Variants in PIAS1 observed in about 807,000 individuals in gnomAD.
PIAS1 encodes E3 SUMO-protein ligase PIAS1.
A neutral mutation model predicts 71.3 loss-of-function variants in PIAS1; 6 were observed. The observed-to-expected ratio is 0.08, with a 90% CI of 0.05 to 0.17. The LOEUF (loss-of-function observed/expected upper bound fraction) is 0.17, where lower values mean the gene tolerates loss of function less well. Ranked by LOEUF, PIAS1 falls within the 10% of genes least tolerant of loss-of-function variation. PIAS1 has a pLI of 1.00. For missense variants in PIAS1, 555 were observed against 793.6 expected (o/e 0.70, Z 3.61); for synonymous variants, 303 against 292.9 (o/e 1.03, Z -0.35).
chr15:68,086,849 C>T lies in PIAS1; in HGVS notation c.469+99C>T. On this transcript the variant is annotated intron_variant, in intron 2 of 13. Coordinates refer to ENST00000249636, the MANE Select transcript of PIAS1 (RefSeq NM_016166.3). The surrounding 1 kb of genome is among the most constrained non-coding windows in gnomAD (Gnocchi z 7.2). ...AGTTTATTATTCATAATGAAATTTT[C>T]ATTTGATAGTAACAGCTGGATAATA... is the stretch of plus-strand genomic sequence containing the variant. 1 of 643,918 alleles carries T rather than the reference C, an allele frequency of 1.6e-6. No individual in the cohort carries two copies. Among genetic ancestry groups the T allele is most frequent in the South Asian group, 2.1e-5 (1 of 48,202 alleles). The allele number at this position is 643,918 out of a possible 1,614,324, so 39.9% of individuals were successfully genotyped here. A position where few individuals can be genotyped will look rare whatever the true frequency, so the allele number is the denominator to read the frequency against.
At chr15:68,092,017 T>C (rs1433949913) in intron 2 of PIAS1, among the ~76,000 whole-genome samples, 1 of 152,210 alleles carries the variant, frequency 6.6e-6, no homozygotes, top group Non-Finnish European at 1.5e-5. Flanking sequence ...TATATGAGAT[T>C]GAAGTCAAAT....
chr15:68,149,646 A>G (rs1457016071), intron 6 of PIAS1, among the ~76,000 whole-genome samples: 2 of 151,822 alleles, frequency 1.3e-5, no homozygotes, highest in Non-Finnish European at 2.9e-5. Context: ...TTTTTCTGTT[A>G]TATTTTCAAA....
At chr15:68,120,112 C>A (rs547519394) in intron 2 of PIAS1, among the ~76,000 whole-genome samples, 1 of 152,262 alleles carries the variant, frequency 6.6e-6, no homozygotes, top group South Asian at 2.1e-4. Flanking sequence ...CCAGGTCATC[C>A]AGCTTTGTTT....
rs1286136410 is a variant in PIAS1 at position 68,167,704 on chromosome 15, T to C, written c.1008+2900T>C. Among the ~76,000 whole-genome samples the C allele has an allele frequency of 4.6e-5, 7 of 152,138 alleles. No homozygotes were observed. Among genetic ancestry groups the C allele is most frequent in the Admixed American group, 4.6e-4 (7 of 15,270 alleles). On this transcript the variant is annotated intron_variant, in intron 8 of 13. Coordinates refer to ENST00000249636, the MANE Select transcript of PIAS1 (RefSeq NM_016166.3). This position sits in a 1 kb window ranked among gnomAD's most constrained non-coding sequence, Gnocchi z 4.4. ...TGAAAAAAACTTGTGAAATTATTCT[T>C]TTTGTTTTGTTTTGTTTTTGAGACA...
At chr15:68,149,948 A>T (rs912159281) in intron 6 of PIAS1, among the ~76,000 whole-genome samples, 1 of 152,116 alleles carries the variant, frequency 6.6e-6, no homozygotes, top group African/African-American at 2.4e-5. Context: ...ACATTATTAT[A>T]ATGTTGCTAT....
chr15:68,175,286 G>T (rs1265938910), intron 9 of PIAS1, among the ~76,000 whole-genome samples: 1 of 152,094 alleles, frequency 6.6e-6, no homozygotes, highest in Non-Finnish European at 1.5e-5. Flanking sequence ...CATGCTTATT[G>T]TGGGCAATTT....
rs529704664 is a variant in PIAS1, at chr15:68,132,952, TCA to T, written c.470-8993_470-8992del. ...CATAGGTAATCATTTTTAATTAATT[TCA>T]GTTTATCCTTCTGGTTTTCTTTTCT... On this transcript the variant is annotated intron_variant, in intron 2 of 13. Coordinates refer to ENST00000249636, the MANE Select transcript of PIAS1 (RefSeq NM_016166.3). 1.1e-3 allele frequency among the ~76,000 whole-genome samples: 168 copies of T among 152,066 alleles called. 1 individual carries two copies. The highest frequency in any genetic ancestry group is 3.9e-3 in the African/African-American group (163 of 41,552).
At chr15:68,128,753 C>T (rs115301762) in intron 2 of PIAS1, among the ~76,000 whole-genome samples, 1,652 of 152,004 alleles carry the variant, frequency 0.011, 31 homozygotes, top group African/African-American at 0.036. Flanking sequence ...TGTTTGCATT[C>T]CAACAAATGG....
At chr15:68,131,590 G>A (rs1050163994) in intron 2 of PIAS1, among the ~76,000 whole-genome samples, 2 of 152,298 alleles carry the variant, frequency 1.3e-5, no homozygotes, top group East Asian at 3.9e-4. Flanking sequence ...GTGAGAGCAT[G>A]CAGTATTTGT....
At chr15:68,078,566 G>A (rs932717076) in intron 1 of PIAS1, among the ~76,000 whole-genome samples, 5 of 151,986 alleles carry the variant, frequency 3.3e-5, no homozygotes, top group Admixed American at 6.6e-5. Context: ...TTTCCTGTCC[G>A]TGTCTCAGTG....
chr15:68,151,404 A>G (rs2092842993), intron 6 of PIAS1, among the ~76,000 whole-genome samples: 1 of 152,010 alleles, frequency 6.6e-6, no homozygotes, highest in African/African-American at 2.4e-5. Context: ...GGTAATTCCA[A>G]GTTCTGAAGA....
rs745668919 is a variant in PIAS1 at position 68,173,932 on chromosome 15, A to G, written c.1169+40A>G. The G allele has an allele frequency of 3.1e-6, 4 of 1,296,460 alleles. No individual in the cohort carries two copies. Among genetic ancestry groups the G allele is most frequent in the South Asian group, 2.2e-5 (1 of 44,760 alleles). 80.3% of individuals were successfully genotyped at this position (1,296,460 alleles called of 1,614,324 possible). A position where few individuals can be genotyped will look rare whatever the true frequency, so the allele number is the denominator to read the frequency against. On this transcript the variant is annotated intron_variant, in intron 9 of 13. Transcript: ENST00000249636. This position sits in a 1 kb window ranked among gnomAD's most constrained non-coding sequence, Gnocchi z 4.3. ...GTGTTTTTGGTACCTTGAAATGACC[A>G]TATATTATCTGGGTTTGTTACACAT...
chr15:68,137,936 A>G (rs920518513), intron 2 of PIAS1, among the ~76,000 whole-genome samples: 6 of 152,274 alleles, frequency 3.9e-5, no homozygotes, highest in Admixed American at 6.5e-5. Flanking sequence ...GAGGCCAGGC[A>G]TTCCAGTTCA....
intron 6 of PIAS1, among the ~76,000 whole-genome samples, chr15:68,148,483 C>CAG (rs1434770439): frequency 6.6e-6 from 1 of 152,030 alleles, no homozygotes; most frequent in Non-Finnish European, 1.5e-5. Flanking sequence ...GGCTGGAGTA[C>CAG]AGTGGCACAA....
chr15:68,137,334 G>T (rs11071982), intron 2 of PIAS1, among the ~76,000 whole-genome samples: 5 of 152,200 alleles, frequency 3.3e-5, no homozygotes, highest in African/African-American at 4.8e-5. Context: ...AGAGAATACA[G>T]TAATTAAAAA....
intron 12 of PIAS1, among the ~76,000 whole-genome samples, chr15:68,182,481 C>A: frequency 2.7e-5 from 1 of 36,822 alleles, no homozygotes. Flanking sequence ...GCTCTTATTG[C>A]TCAGGCTGCG....
intron 6 of PIAS1, among the ~76,000 whole-genome samples, chr15:68,149,431 G>T (rs2092831161): frequency 6.6e-6 from 1 of 150,452 alleles, no homozygotes; most frequent in Admixed American, 6.7e-5. Flanking sequence ...ATCTTTCTGA[G>T]AATTTGGATG....
chr15:68,154,342 T>G (rs1029831636), intron 7 of PIAS1, among the ~76,000 whole-genome samples: 2 of 152,216 alleles, frequency 1.3e-5, no homozygotes, highest in African/African-American at 2.4e-5. Context: ...GGTTTGGCCT[T>G]TCCAAAGAGG....
chr15:68,126,735 G>A (rs923818816), intron 2 of PIAS1, among the ~76,000 whole-genome samples: 1 of 149,624 alleles, frequency 6.7e-6, no homozygotes, highest in Admixed American at 6.6e-5. Flanking sequence ...TTGGTTAATT[G>A]TTTTATAGTT....
Sources: gnomAD v4.1 joint callset for allele counts (sites outside exome capture counted in the v4.1 genomes callset) on GRCh38, gnomAD v4.1.1 for gene constraint, Gnocchi (gnomAD v3.1) non-coding constraint, MANE v1.5 for transcripts, NCBI Gene and HGNC (gene_info 2026-07-23, HGNC 2026-07-21) for gene names.